PHF20: variants seen among roughly 807,000 people sequenced by gnomAD.
PHF20 encodes PHD finger protein 20.
In PHF20, 23 loss-of-function variants were observed where a neutral mutation model predicts 113.5. That is an observed-to-expected ratio of 0.20 (90% CI 0.15 to 0.29). The LOEUF (loss-of-function observed/expected upper bound fraction) is 0.29, where lower values mean the gene tolerates loss of function less well. Ranked by LOEUF, PHF20 falls within the 10% of genes least tolerant of loss-of-function variation. The pLI is 1.00. For synonymous variants in PHF20, 434 were observed against 457.3 expected (o/e 0.95, Z 0.65); for missense variants, 943 against 1,219.6 (o/e 0.77, Z 3.38).
At chr20:35,900,034 C>T (rs2055065653) in intron 10 of PHF20, among the ~76,000 whole-genome samples, 1 of 152,124 alleles carries the variant, frequency 6.6e-6, no homozygotes, top group Non-Finnish European at 1.5e-5. Context: ...AGCACGATAA[C>T]CAAAAGGTGA....
At chr20:35,906,553 G>C (rs536503767) in intron 10 of PHF20, among the ~76,000 whole-genome samples, 3 of 151,940 alleles carry the variant, frequency 2.0e-5, no homozygotes, top group Non-Finnish European at 4.4e-5. Flanking sequence ...ACCAGGCTCT[G>C]AAGGTTCCTG....
intron 5 of PHF20, among the ~76,000 whole-genome samples, chr20:35,858,825 G>A (rs1397393954): frequency 6.6e-6 from 1 of 152,126 alleles, no homozygotes; most frequent in African/African-American, 2.4e-5. Flanking sequence ...CACCTGCCTT[G>A]GCCTCCCAAG....
At chr20:35,899,785 T>G (rs768409338) in intron 10 of PHF20, 137 bp downstream of exon 10, 5 of 901,070 alleles carry the variant, frequency 5.5e-6, no homozygotes, top group Non-Finnish European at 8.4e-6. Context: ...TATTAAGTGA[T>G]CCTCTGGGCT....
intron 10 of PHF20, among the ~76,000 whole-genome samples, chr20:35,902,738 C>T (rs1005144277): frequency 2.6e-5 from 4 of 152,158 alleles, no homozygotes; most frequent in South Asian, 2.1e-4. Flanking sequence ...AGAGAACTTG[C>T]GAAACTTCAA....
chr20:35,904,635 A>T (rs966999597), intron 10 of PHF20, among the ~76,000 whole-genome samples: 2 of 151,874 alleles, frequency 1.3e-5, no homozygotes, highest in African/African-American at 4.8e-5. Context: ...TGGACTCCTC[A>T]ATATCTGGGT....
At position 35,873,659 on chromosome 20, in the gene PHF20, G is replaced by C. The variant is rs113178932; in HGVS notation, c.1282+1830G>C. Among the ~76,000 whole-genome samples the C allele has an allele frequency of 3.8e-3, 580 of 151,586 alleles. 4 individuals carry two copies. The highest frequency in any genetic ancestry group is 0.013 in the African/African-American group (556 of 41,338). ...AATTTTTGTATTTTTTAGTAGAGACGGGGTTTCACCATGTTGGCCAGGCTG... is the reference window on the plus strand; with the variant it reads ...AATTTTTGTATTTTTTAGTAGAGACCGGGTTTCACCATGTTGGCCAGGCTG... On this transcript the variant is annotated intron_variant, in intron 9 of 17. Coordinates refer to ENST00000374012, the MANE Select transcript of PHF20 (RefSeq NM_016436.5).
intron 13 of PHF20, among the ~76,000 whole-genome samples, chr20:35,924,320 G>T (rs187679690): frequency 1.3e-5 from 2 of 150,216 alleles, no homozygotes; most frequent in African/African-American, 2.5e-5. Flanking sequence ...TCAGCCTCCC[G>T]AGTAGCTGGG....
chr20:35,915,636 C>T (rs564833248), intron 12 of PHF20, among the ~76,000 whole-genome samples: 1 of 152,202 alleles, frequency 6.6e-6, no homozygotes, highest in East Asian at 1.9e-4. Flanking sequence ...CCACCCACTT[C>T]GACCTCCCAA....
chr20:35,814,697 C>A (rs2042035808), intron 2 of PHF20, among the ~76,000 whole-genome samples: 1 of 146,944 alleles, frequency 6.8e-6, no homozygotes, highest in Admixed American at 6.7e-5. Flanking sequence ...AACGGTGAAA[C>A]CCCGTCTCTA....
intron 10 of PHF20, 130 bp downstream of exon 10, chr20:35,899,778 T>C: frequency 1.1e-6 from 1 of 948,998 alleles, no homozygotes; most frequent in Admixed American, 2.7e-5. Flanking sequence ...CTGAACATAT[T>C]AAGTGATCCT....
intron 10 of PHF20, 125 bp from the exon 11 acceptor site, chr20:35,913,124 G>A (rs1477947453): frequency 4.7e-6 from 3 of 631,896 alleles, no homozygotes; most frequent in Non-Finnish European, 8.5e-6. Flanking sequence ...CTCCAGACTG[G>A]AGCAATCTGC....
At chr20:35,801,796 G>GTA in intron 2 of PHF20, 191 bp downstream of exon 2, 1 of 452,630 alleles carries the variant, frequency 2.2e-6, no homozygotes, top group Non-Finnish European at 4.0e-6. Flanking sequence ...GTAACCCCCT[G>GTA]TATATATTTG....
intron 3 of PHF20, 41 bp downstream of exon 3, chr20:35,842,785 A>G (rs780677344): frequency 1.9e-6 from 3 of 1,564,268 alleles, no homozygotes; most frequent in Non-Finnish European, 1.8e-6. Flanking sequence ...ATGCAAGGTC[A>G]GCCATTGGGC....
intron 9 of PHF20, among the ~76,000 whole-genome samples, chr20:35,884,086 T>C (rs1165762753): frequency 6.6e-6 from 1 of 152,090 alleles, no homozygotes; most frequent in African/African-American, 2.4e-5. Flanking sequence ...TTTAGTGGTG[T>C]GAGTACAGGA....
At chr20:35,898,761 C>T (rs2055038265) in intron 9 of PHF20, among the ~76,000 whole-genome samples, 1 of 152,228 alleles carries the variant, frequency 6.6e-6, no homozygotes, top group Admixed American at 6.5e-5. Flanking sequence ...CAGGCACCTG[C>T]CATCATGCCT....
intron 12 of PHF20, among the ~76,000 whole-genome samples, chr20:35,915,559 G>A (rs543463412): frequency 1.8e-4 from 28 of 151,840 alleles, no homozygotes; most frequent in African/African-American, 6.8e-4. Context: ...GCTAATTTTT[G>A]TATTTTTAGT....
At position 35,945,022 on chromosome 20, in the gene PHF20, G is replaced by A. The variant is rs148240505; in HGVS notation, c.2897-2463G>A. On this transcript the variant is annotated intron_variant, in intron 17 of 17. Transcript: ENST00000374012. ...CTGATCTTTTACTAATGGTTTTCAA[G>A]CTTAAGTCTGAGGAGGTGGTCTTAT... is the stretch of plus-strand genomic sequence containing the variant. Among the ~76,000 whole-genome samples, 820 of 152,260 alleles carry A rather than the reference G, an allele frequency of 5.4e-3. 9 individuals carry two copies. Among genetic ancestry groups the A allele is most frequent in the African/African-American group, 0.019 (787 of 41,530 alleles).
intron 1 of PHF20, among the ~76,000 whole-genome samples, chr20:35,776,416 A>G (rs1485200442): frequency 6.6e-6 from 1 of 152,206 alleles, no homozygotes; most frequent in Non-Finnish European, 1.5e-5. Context: ...TGCTGGGGAG[A>G]AGATGATATT....
chr20:35,801,431 G>T, intron 1 of PHF20, 60 bp from the exon 2 acceptor site: 1 of 803,482 alleles, frequency 1.2e-6, no homozygotes, highest in Non-Finnish European at 2.1e-6. Flanking sequence ...TGTAGTGAAT[G>T]ATGCTACACT....
Sources: allele counts gnomAD v4.1 joint callset (sites outside exome capture counted in the v4.1 genomes callset), GRCh38; gene constraint gnomAD v4.1.1; transcripts MANE v1.5; gene names NCBI Gene and HGNC (gene_info 2026-07-23, HGNC 2026-07-21).